Variants in AGBL4 observed in about 807,000 individuals in gnomAD.
AGBL4 encodes the protein cytosolic carboxypeptidase 6.
A neutral mutation model predicts 66.4 loss-of-function variants in AGBL4; 58 were observed. That is an observed-to-expected ratio of 0.87 (90% CI 0.71 to 1.09). The LOEUF is 1.09. Among genes scored for constraint, AGBL4 ranks in the 50% least tolerant of loss-of-function variants. The probability of loss-of-function intolerance (pLI) is 0.00; values close to 1 mark genes in which losing one functional copy is unlikely to be tolerated. For missense variants in AGBL4, 579 were observed against 631.0 expected, an observed-to-expected ratio of 0.92 and a Z score of 0.88; for synonymous variants, 234 against 222.9, an observed-to-expected ratio of 1.05 and a Z score of -0.44.
chr1:49,970,419 C>T (rs1657954122), intron 1 of AGBL4, among the ~76,000 whole-genome samples: 1 of 151,836 alleles, frequency 6.6e-6, no homozygotes, highest in African/African-American at 2.4e-5. Flanking sequence ...AACAAATAAT[C>T]CCATTTAAAA....
chr1:49,411,084 C>T (rs1446623239), intron 3 of AGBL4, among the ~76,000 whole-genome samples: 1 of 152,146 alleles, frequency 6.6e-6, no homozygotes, highest in African/African-American at 2.4e-5. Flanking sequence ...AAGAAAGAAG[C>T]CAGCAGTGGT....
In AGBL4 at chr1:49,321,712, T is replaced by C. The variant is rs534175304; in HGVS notation, c.283-75848A>G. ...CATAGGAGAAAGGGTTTATAATGTG[T>C]TATGTTCATACGATGGAATAATAGC... On this transcript the variant is annotated intron_variant, in intron 3 of 13. Transcript: ENST00000371839. 2.0e-5 allele frequency among the ~76,000 whole-genome samples: 3 copies of C among 152,346 alleles called. No individual in the cohort carries two copies. In the East Asian group the frequency reaches 5.8e-4, roughly 29 times the overall value.
chr1:48,597,878 GA>G (rs1243882427), intron 9 of AGBL4, among the ~76,000 whole-genome samples: 5 of 144,600 alleles, frequency 3.5e-5, no homozygotes, highest in Admixed American at 1.4e-4. Context: ...GAGAAAGAAA[GA>G]AAAAAAGAAA....
chr1:49,672,858 T>G (rs1401269128), intron 3 of AGBL4, among the ~76,000 whole-genome samples: 1 of 141,280 alleles, frequency 7.1e-6, no homozygotes, highest in Non-Finnish European at 1.5e-5. Context: ...GAGGTGGAGG[T>G]TGCAGTGAGC....
intron 3 of AGBL4, among the ~76,000 whole-genome samples, chr1:49,622,356 G>A (rs80080515): frequency 0.028 from 4,210 of 152,186 alleles, 163 homozygotes; most frequent in African/African-American, 0.096. Flanking sequence ...TTGGCCGGGC[G>A]CGGTGGCTCA....
Position 48,539,589 on chromosome 1 carries a change from A to G in AGBL4, c.1364+53T>C, listed in dbSNP as rs560803116. On this transcript the variant is annotated intron_variant, in intron 12 of 13. Coordinates refer to ENST00000371839, the MANE Select transcript of AGBL4 (RefSeq NM_032785.4). Reference sequence around the variant, plus strand: ...AAAGGCTAAGGGAAGTTGCCCCTGAATACAGCCCGTGGAGCAGAACTCAAG... The same window carrying G: ...AAAGGCTAAGGGAAGTTGCCCCTGAGTACAGCCCGTGGAGCAGAACTCAAG... 4.0e-5 allele frequency: 56 copies of G among 1,389,764 alleles called. No individual in the cohort carries two copies. The African/African-American group carries it at 7.4e-4, about 18-fold the overall frequency. 86.1% of individuals were successfully genotyped at this position (1,389,764 alleles called of 1,614,324 possible).
At chr1:49,036,838 T>C (rs1664706443) in intron 5 of AGBL4, among the ~76,000 whole-genome samples, 1 of 151,806 alleles carries the variant, frequency 6.6e-6, no homozygotes, top group African/African-American at 2.4e-5. Context: ...GGTATCTTTA[T>C]AGGCCTGACT....
At chr1:49,213,962 G>C (rs1033449293) in intron 4 of AGBL4, among the ~76,000 whole-genome samples, 1 of 152,136 alleles carries the variant, frequency 6.6e-6, no homozygotes, top group Admixed American at 6.5e-5. Flanking sequence ...AAGAGCTTAA[G>C]TTTAATTTAC....
chr1:49,131,581 T>C (rs935771746), intron 4 of AGBL4, among the ~76,000 whole-genome samples: 2 of 152,018 alleles, frequency 1.3e-5, no homozygotes, highest in African/African-American at 2.4e-5. Context: ...GGAGCTCAGA[T>C]CTGAAGACAT....
At chr1:49,267,974 T>C (rs181527293) in intron 3 of AGBL4, 2 of 152,278 alleles carry the variant, frequency 1.3e-5, no homozygotes, top group African/African-American at 4.8e-5. Flanking sequence ...TTATGAGAGC[T>C]ACACTTCAAG....
intron 6 of AGBL4, chr1:48,759,430 C>G: frequency 7.5e-7 from 1 of 1,333,352 alleles, no homozygotes; most frequent in Non-Finnish European, 9.8e-7. Context: ...TTAGTCAAAG[C>G]CCTTCATTTT....
chr1:49,271,312 C>T (rs888737829), intron 3 of AGBL4, among the ~76,000 whole-genome samples: 13 of 152,040 alleles, frequency 8.6e-5, no homozygotes, highest in African/African-American at 2.9e-4. Flanking sequence ...TACACCATTG[C>T]ACATAAAACT....
At chr1:48,672,569 C>T (rs1161130443) in intron 6 of AGBL4, among the ~76,000 whole-genome samples, 2 of 152,204 alleles carry the variant, frequency 1.3e-5, no homozygotes, top group Admixed American at 6.5e-5. Context: ...CCTCCCAGGA[C>T]CTGGCCCAGT....
intron 11 of AGBL4, among the ~76,000 whole-genome samples, chr1:48,551,036 A>G (rs1228003377): frequency 6.6e-6 from 1 of 152,102 alleles, no homozygotes; most frequent in Non-Finnish European, 1.5e-5. Context: ...GTTTCTCCCC[A>G]TTATTGCTGA....
At chr1:49,523,512 C>CA (rs1257899069) in intron 3 of AGBL4, among the ~76,000 whole-genome samples, 1 of 151,900 alleles carries the variant, frequency 6.6e-6, no homozygotes, top group Non-Finnish European at 1.5e-5. Context: ...CACTTGATTC[C>CA]AAAAAACTGG....
chr1:49,895,193 G>A (rs1483636501), intron 1 of AGBL4, among the ~76,000 whole-genome samples: 10 of 141,930 alleles, frequency 7.0e-5, no homozygotes, highest in Non-Finnish European at 6.1e-5. Context: ...GACTTTCCCA[G>A]TTTAAAAAAA....
intron 6 of AGBL4, among the ~76,000 whole-genome samples, chr1:48,689,840 G>T (rs928320068): frequency 6.6e-6 from 1 of 152,204 alleles, no homozygotes; most frequent in Non-Finnish European, 1.5e-5. Flanking sequence ...AGGAGGCAGA[G>T]GTTGCAGTAA....
At chr1:49,226,486 C>G (rs1178798847) in intron 4 of AGBL4, among the ~76,000 whole-genome samples, 1 of 152,124 alleles carries the variant, frequency 6.6e-6, no homozygotes, top group Non-Finnish European at 1.5e-5. Context: ...AACAACAAAT[C>G]TCTATACCCT....
intron 5 of AGBL4, among the ~76,000 whole-genome samples, chr1:48,945,867 G>T (rs769649159): frequency 3.3e-5 from 5 of 152,234 alleles, no homozygotes; most frequent in East Asian, 1.9e-4. Context: ...TAACCTCTTT[G>T]TGCCTTAGTT....
Sources: allele counts gnomAD v4.1 joint callset (sites outside exome capture counted in the v4.1 genomes callset), GRCh38; gene constraint gnomAD v4.1.1; transcripts MANE v1.5; gene names NCBI Gene and HGNC (gene_info 2026-07-23, HGNC 2026-07-21).